Variants in KIF6 observed in about 807,000 individuals in gnomAD.
KIF6 encodes kinesin-like protein KIF6.
KIF6 carries 106 observed loss-of-function variants against 112.7 expected under a neutral mutation model. That is an observed-to-expected ratio of 0.94 (90% CI 0.80 to 1.11). The LOEUF is 1.11. Among genes scored for constraint, KIF6 ranks in the 50% least tolerant of loss-of-function variants. KIF6 has a pLI of 0.00. For missense variants in KIF6, 929 were observed against 964.0 expected (o/e 0.96, Z 0.48); for synonymous variants, 339 against 339.9 (o/e 1.00, Z 0.03).
intron 3 of KIF6, among the ~76,000 whole-genome samples, chr6:39,662,827 CAT>C: frequency 6.6e-6 from 1 of 152,268 alleles, no homozygotes; most frequent in Middle Eastern, 3.4e-3. Context: ...TGCACACACA[CAT>C]AGTCAAAAAT....
At chr6:39,470,191 G>C (rs935754771) in intron 13 of KIF6, among the ~76,000 whole-genome samples, 1 of 152,178 alleles carries the variant, frequency 6.6e-6, no homozygotes, top group Non-Finnish European at 1.5e-5. Flanking sequence ...GGATATCAGG[G>C]CACAGTCAGG....
chr6:39,449,362 G>T (rs957758951), intron 13 of KIF6, among the ~76,000 whole-genome samples: 66 of 152,146 alleles, frequency 4.3e-4, no homozygotes, highest in African/African-American at 1.6e-3. Context: ...CCACACCCAG[G>T]TATTCTTTGT....
intron 3 of KIF6, among the ~76,000 whole-genome samples, chr6:39,672,420 T>C (rs987604376): frequency 1.3e-5 from 2 of 152,200 alleles, no homozygotes; most frequent in African/African-American, 4.8e-5. Flanking sequence ...AATATAACAA[T>C]TATTTGTTGA....
At chr6:39,584,499 T>G (rs982849856) in intron 9 of KIF6, among the ~76,000 whole-genome samples, 6 of 143,836 alleles carry the variant, frequency 4.2e-5, no homozygotes, top group Admixed American at 3.6e-4. Context: ...TGATGTATTT[T>G]GAAAGGCTAA....
At chr6:39,380,815 T>TC in intron 16 of KIF6, among the ~76,000 whole-genome samples, 1 of 152,210 alleles carries the variant, frequency 6.6e-6, no homozygotes, top group Non-Finnish European at 1.5e-5. Flanking sequence ...TGGATACAGA[T>TC]CACTTCAAAA....
intron 10 of KIF6, among the ~76,000 whole-genome samples, chr6:39,577,623 C>A (rs1781043697): frequency 6.6e-6 from 1 of 152,162 alleles, no homozygotes; most frequent in Non-Finnish European, 1.5e-5. Context: ...TATGGGCCAT[C>A]CATTTATTAA....
intron 22 of KIF6, among the ~76,000 whole-genome samples, chr6:39,337,181 T>TTCTTTCTTTCTTTCTTTC: frequency 1.2e-5 from 1 of 82,260 alleles, no homozygotes; most frequent in Non-Finnish European, 2.1e-5. Context: ...CCTTCTTTCT[T>TTCTTTCTTTCTTTCTTTC]TCTTTCTTTC....
At chr6:39,424,380 T>C (rs776330377) in intron 14 of KIF6, among the ~76,000 whole-genome samples, 2 of 152,216 alleles carry the variant, frequency 1.3e-5, no homozygotes, top group Non-Finnish European at 2.9e-5. Context: ...CCTGTTTACT[T>C]GTTTGTTTCC....
rs1488307402 is a variant in KIF6, at chr6:39,343,364, C to A, written c.2428+345G>T. On this transcript the variant is annotated intron_variant, in intron 22 of 22. Coordinates refer to ENST00000287152, the MANE Select transcript of KIF6 (RefSeq NM_145027.6). The surrounding 1 kb of genome is among the most constrained non-coding windows in gnomAD (Gnocchi z 4.1). ...ACGAGTTACCAAAACATCACTCAGC[C>A]CCTTCCTGTTTGTAGAAGCCTGAGC... is the stretch of plus-strand genomic sequence containing the variant. The A allele has an allele frequency of 5.3e-6, 7 of 1,314,610 alleles. No homozygotes were observed. Among genetic ancestry groups the A allele is most frequent in the Non-Finnish European group, 7.0e-6 (7 of 1,005,488 alleles). The allele number at this position is 1,314,610 out of a possible 1,614,324, so 81.4% of individuals were successfully genotyped here.
At chr6:39,400,405 T>G (rs924077681) in intron 15 of KIF6, among the ~76,000 whole-genome samples, 1 of 152,270 alleles carries the variant, frequency 6.6e-6, no homozygotes, top group Non-Finnish European at 1.5e-5. Flanking sequence ...AATGTGTTCC[T>G]TTTTGCCCTT....
At chr6:39,590,452 T>TA (rs1491249480) in intron 7 of KIF6, among the ~76,000 whole-genome samples, 270 of 81,824 alleles carry the variant, frequency 3.3e-3, no homozygotes, top group South Asian at 0.013. Flanking sequence ...TATATATATA[T>TA]TTTTTTTTTT....
At chr6:39,410,006 T>C (rs1441087732) in intron 15 of KIF6, among the ~76,000 whole-genome samples, 1 of 152,250 alleles carries the variant, frequency 6.6e-6, no homozygotes, top group Non-Finnish European at 1.5e-5. Flanking sequence ...CTATCTGCCC[T>C]GGGCAAATCA....
chr6:39,489,771 C>T (rs1344730162), intron 13 of KIF6, among the ~76,000 whole-genome samples: 1 of 152,182 alleles, frequency 6.6e-6, no homozygotes, highest in Non-Finnish European at 1.5e-5. Context: ...TACAAACCTA[C>T]AGGCTCAATG....
At chr6:39,346,217 A>G (rs1021260483) in intron 20 of KIF6, among the ~76,000 whole-genome samples, 1 of 150,688 alleles carries the variant, frequency 6.6e-6, no homozygotes, top group Non-Finnish European at 1.5e-5. Flanking sequence ...CGAGGAAGGA[A>G]GCCCTCAGCA....
intron 15 of KIF6, among the ~76,000 whole-genome samples, chr6:39,393,528 G>A (rs2150327296): frequency 6.6e-6 from 1 of 152,224 alleles, no homozygotes; most frequent in East Asian, 1.9e-4. Flanking sequence ...TAAACACAAA[G>A]ATGGGGGATA....
At chr6:39,700,345 C>T (rs1383672551) in intron 3 of KIF6, among the ~76,000 whole-genome samples, 1 of 152,142 alleles carries the variant, frequency 6.6e-6, no homozygotes, top group African/African-American at 2.4e-5. Flanking sequence ...ACTGTGACAA[C>T]ATTAAGGTAA....
intron 2 of KIF6, among the ~76,000 whole-genome samples, chr6:39,716,285 A>ACTAAAATGTAATTTTAGTAG (rs6149539): frequency 6.6e-6 from 1 of 151,810 alleles, no homozygotes; most frequent in African/African-American, 2.4e-5. Flanking sequence ...TTTAAATTAA[A>ACTAAAATGTAATTTTAGTAG]AATATCTATA....
chr6:39,433,895 T>C (rs1771334699), intron 13 of KIF6, among the ~76,000 whole-genome samples: 1 of 152,186 alleles, frequency 6.6e-6, no homozygotes, highest in South Asian at 2.1e-4. Context: ...TCAGAGCTCA[T>C]GCGCAGCTCC....
intron 15 of KIF6, among the ~76,000 whole-genome samples, chr6:39,386,097 G>A (rs974859922): frequency 6.6e-6 from 1 of 152,234 alleles, no homozygotes; most frequent in African/African-American, 2.4e-5. Context: ...AATAAAAAAA[G>A]ATGGTGGTTT....
Sources: gnomAD v4.1 joint callset for allele counts (sites outside exome capture counted in the v4.1 genomes callset) on GRCh38, gnomAD v4.1.1 for gene constraint, Gnocchi (gnomAD v3.1) non-coding constraint, MANE v1.5 for transcripts, NCBI Gene and HGNC (gene_info 2026-07-23, HGNC 2026-07-21) for gene names.